The following NPAS3 variants were observed in gnomAD, a reference collection of about 807,000 sequenced individuals.
The protein encoded by NPAS3 is neuronal PAS domain protein 3, also known as neuronal PAS domain-containing protein 3.
A neutral mutation model predicts 73.1 loss-of-function variants in NPAS3; 14 were observed. The observed-to-expected ratio is 0.19, with a 90% CI of 0.13 to 0.30. The LOEUF (loss-of-function observed/expected upper bound fraction) is 0.30, where lower values mean the gene tolerates loss of function less well. Ranked by LOEUF, NPAS3 falls within the 10% of genes least tolerant of loss-of-function variation. The probability of loss-of-function intolerance (pLI) is 1.00; values close to 1 mark genes in which losing one functional copy is unlikely to be tolerated. For synonymous variants in NPAS3, 620 were observed against 541.5 expected (o/e 1.14, Z -2.01); for missense variants, 1,096 against 1,250.0 (o/e 0.88, Z 1.86).
chr14:33,074,518 G>A (rs2041593186), intron 2 of NPAS3, among the ~76,000 whole-genome samples: 1 of 152,126 alleles, frequency 6.6e-6, no homozygotes, highest in South Asian at 2.1e-4. Context: ...CCAGGTTCAA[G>A]CGATTCTCCT....
At chr14:33,718,196 G>A (rs1379096908) in intron 6 of NPAS3, among the ~76,000 whole-genome samples, 1 of 152,044 alleles carries the variant, frequency 6.6e-6, no homozygotes, top group Non-Finnish European at 1.5e-5. Flanking sequence ...TTTCCTTAAT[G>A]TGCCTGGGTT....
intron 9 of NPAS3, among the ~76,000 whole-genome samples, chr14:33,785,550 T>C (rs2138572305): frequency 6.6e-6 from 1 of 152,200 alleles, no homozygotes; most frequent in Admixed American, 6.5e-5. Flanking sequence ...TTCTCAATCT[T>C]ATACAAACTA....
intron 1 of NPAS3, among the ~76,000 whole-genome samples, chr14:32,982,759 T>C (rs1168287534): frequency 6.6e-6 from 1 of 152,176 alleles, no homozygotes; most frequent in Non-Finnish European, 1.5e-5. Context: ...TATTGCTAAC[T>C]GTAGGATAAA....
chr14:33,190,278 T>G (rs1455980615), intron 2 of NPAS3, among the ~76,000 whole-genome samples: 1 of 152,232 alleles, frequency 6.6e-6, no homozygotes, highest in Non-Finnish European at 1.5e-5. Flanking sequence ...TTGGCAAGTT[T>G]CAGAACAGTA....
At chr14:33,281,615 G>A (rs1223696587) in intron 3 of NPAS3, among the ~76,000 whole-genome samples, 3 of 152,162 alleles carry the variant, frequency 2.0e-5, no homozygotes, top group Non-Finnish European at 4.4e-5. Context: ...GGTGCTGATA[G>A]AACAAGACTC....
chr14:33,308,226 G>A (rs2042837012), intron 3 of NPAS3, among the ~76,000 whole-genome samples: 1 of 152,076 alleles, frequency 6.6e-6, no homozygotes, highest in South Asian at 2.1e-4. Flanking sequence ...CAAAGGCTGT[G>A]ACAGTGAGAA....
At position 33,598,015 on chromosome 14, in the gene NPAS3, C is replaced by T. The variant is rs904490181; in HGVS notation, c.558+37805C>T. ...GCAGTCTCTGGGGATTAAAACAATA[C>T]CCAATTTAAGACAAGCTAGAGGTCA... is the stretch of plus-strand genomic sequence containing the variant. On this transcript the variant is annotated intron_variant, in intron 5 of 11. Coordinates refer to ENST00000356141, the Ensembl canonical transcript of NPAS3. Among the ~76,000 whole-genome samples, 6 of 152,224 alleles carry T rather than the reference C, an allele frequency of 3.9e-5. No homozygotes were observed. In the East Asian group the frequency reaches 1.2e-3, roughly 29 times the overall value.
chr14:33,557,393 A>G (rs2055408719), intron 4 of NPAS3, among the ~76,000 whole-genome samples: 1 of 152,216 alleles, frequency 6.6e-6, no homozygotes. Context: ...TCTTCTACCC[A>G]CAATGAAAGG....
chr14:33,486,021 G>A (rs947453580), intron 4 of NPAS3, among the ~76,000 whole-genome samples: 1 of 152,036 alleles, frequency 6.6e-6, no homozygotes, highest in Non-Finnish European at 1.5e-5. Flanking sequence ...GTTCATTGGT[G>A]CAGGCAGCCT....
Position 33,112,875 on chromosome 14 carries a change from T to G in NPAS3, c.140+56881T>G, listed in dbSNP as rs539192927. ...GTAAGGAAGGAATCCAGTTTCAGCT[T>G]TCTACATATGGCTAGCCAGTTTTCC... On this transcript the variant is annotated intron_variant, in intron 2 of 11. Transcript: ENST00000356141. 3.9e-5 allele frequency among the ~76,000 whole-genome samples: 6 copies of G among 152,288 alleles called. No individual in the cohort carries two copies. In the South Asian group the frequency reaches 1.0e-3, roughly 26 times the overall value.
intron 4 of NPAS3, among the ~76,000 whole-genome samples, chr14:33,541,706 C>T (rs1022315268): frequency 6.6e-6 from 1 of 152,178 alleles, no homozygotes; most frequent in Non-Finnish European, 1.5e-5. Flanking sequence ...AATGAAAGGG[C>T]TATCTGTACA....
chr14:33,421,713 A>G lies in NPAS3; in HGVS notation c.468+54445A>G, dbSNP rs575987021. ...TGCTAGATACTTTAAAATCTTAAACATTGGGTAGACAAGTTGTATTGAACT... is the reference window on the plus strand; with the variant it reads ...TGCTAGATACTTTAAAATCTTAAACGTTGGGTAGACAAGTTGTATTGAACT... On this transcript the variant is annotated intron_variant, in intron 4 of 11. Transcript: ENST00000356141. 3.2e-4 allele frequency among the ~76,000 whole-genome samples: 49 copies of G among 152,086 alleles called. 1 individual carries two copies. The highest frequency in any genetic ancestry group is 4.7e-4 in the Non-Finnish European group (32 of 67,916).
chr14:33,087,102 A>T (rs928570107), intron 2 of NPAS3, among the ~76,000 whole-genome samples: 21 of 147,620 alleles, frequency 1.4e-4, no homozygotes, highest in East Asian at 1.2e-3. Context: ...TATACAATAT[A>T]ATATTGTATA....
intron 4 of NPAS3, among the ~76,000 whole-genome samples, chr14:33,467,074 G>A (rs544655274): frequency 5.3e-5 from 8 of 152,304 alleles, no homozygotes; most frequent in South Asian, 4.1e-4. Context: ...TGTTCATAAA[G>A]TTGTTACTTG....
chr14:33,061,714 C>T (rs200551871), intron 2 of NPAS3, among the ~76,000 whole-genome samples: 4 of 152,262 alleles, frequency 2.6e-5, no homozygotes, highest in East Asian at 3.9e-4. Context: ...TGCTTTTCTA[C>T]ACGAACTGTT....
intron 2 of NPAS3, among the ~76,000 whole-genome samples, chr14:33,207,679 A>T: frequency 6.6e-6 from 1 of 152,188 alleles, no homozygotes; most frequent in African/African-American, 2.4e-5. Flanking sequence ...ATGCTCTCAG[A>T]CAGAATTTAT....
chr14:33,536,837 G>A (rs994943625), intron 4 of NPAS3, among the ~76,000 whole-genome samples: 5 of 151,966 alleles, frequency 3.3e-5, no homozygotes, highest in Non-Finnish European at 4.4e-5. Context: ...CTAAAACATA[G>A]GTCCAAAGGT....
chr14:33,207,137 T>C (rs1011471020), intron 2 of NPAS3, among the ~76,000 whole-genome samples: 13 of 152,102 alleles, frequency 8.5e-5, no homozygotes, highest in African/African-American at 2.7e-4. Context: ...TTCCTTTTAA[T>C]TGGAGCCTGC....
chr14:33,535,176 TAAA>T (rs1478757663), intron 4 of NPAS3, among the ~76,000 whole-genome samples: 1 of 152,178 alleles, frequency 6.6e-6, no homozygotes, highest in Admixed American at 6.5e-5. Flanking sequence ...TATACTGTCA[TAAA>T]AAATATCACT....
Sources: gnomAD v4.1 joint callset for allele counts (sites outside exome capture counted in the v4.1 genomes callset) on GRCh38, gnomAD v4.1.1 for gene constraint, MANE v1.5 for transcripts, NCBI Gene and HGNC (gene_info 2026-07-23, HGNC 2026-07-21) for gene names.